Variants in CDKN2B-AS1 observed in about 807,000 individuals in gnomAD.
The protein encoded by CDKN2B-AS1 is CDKN2B antisense RNA 1 (non-protein coding).
At chr9:22,082,975 G>A (rs1007258936) in intron 4 of CDKN2B-AS1, among the ~76,000 whole-genome samples, 2 of 152,136 alleles carry the variant, frequency 1.3e-5, no homozygotes, top group African/African-American at 2.4e-5. Context: ...GCCTAATCCT[G>A]GGGTTCTGTC....
chr9:22,121,216 C>A (rs1826094328), intron 4 of CDKN2B-AS1: 1 of 152,034 alleles, frequency 6.6e-6, no homozygotes, highest in Non-Finnish European at 1.5e-5. Context: ...GAAATAGCCA[C>A]TTACCTCAAC....
chr9:22,092,368 C>G (rs1179943844), intron 4 of CDKN2B-AS1: 2 of 152,146 alleles, frequency 1.3e-5, no homozygotes, highest in Non-Finnish European at 2.9e-5. Flanking sequence ...CCCTCTTTTT[C>G]TATTGAATGG....
intron 1 of CDKN2B-AS1, chr9:22,003,750 T>G (rs1563911413): frequency 4.3e-6 from 1 of 230,818 alleles, no homozygotes; most frequent in Non-Finnish European, 8.6e-6. Flanking sequence ...ATAGGTGTGT[T>G]GGGGGGGGTT....
intron 4 of CDKN2B-AS1, among the ~76,000 whole-genome samples, chr9:22,075,436 A>T (rs1255565589): frequency 6.6e-6 from 1 of 152,218 alleles, no homozygotes; most frequent in African/African-American, 2.4e-5. Context: ...AGCGATTGGG[A>T]TGTAGGAAGG....
intron 1 of CDKN2B-AS1, among the ~76,000 whole-genome samples, chr9:22,044,993 T>C (rs1823045353): frequency 6.6e-6 from 1 of 151,572 alleles, no homozygotes; most frequent in Non-Finnish European, 1.5e-5. Flanking sequence ...TTGTAACTTT[T>C]TTCTTTGAGG....
rs905793463 is a variant in CDKN2B-AS1 at position 22,113,139 on chromosome 9, C to T, written n.439-13964C>T. Among the ~76,000 whole-genome samples the T allele has an allele frequency of 1.1e-4, 17 of 152,308 alleles. No individual in the cohort carries two copies. In the East Asian group the frequency reaches 1.7e-3, roughly 16 times the overall value. On this transcript the variant is annotated intron_variant and non_coding_transcript_variant, in intron 4 of 4. Transcript: ENST00000650946. ...TCAGACCTCCAGGCACTGCGTGGCT[C>T]GGCTGGGTTCTCTGCTTAGAATCTC... is the stretch of plus-strand genomic sequence containing the variant.
intron 4 of CDKN2B-AS1, among the ~76,000 whole-genome samples, chr9:22,062,862 G>A (rs1823877437): frequency 6.6e-6 from 1 of 151,778 alleles, no homozygotes; most frequent in African/African-American, 2.4e-5. Context: ...TGATGAATTG[G>A]GCGAAGCAGA....
intron 1 of CDKN2B-AS1, among the ~76,000 whole-genome samples, chr9:22,012,865 T>C (rs1405696407): frequency 6.6e-6 from 1 of 152,218 alleles, no homozygotes; most frequent in Non-Finnish European, 1.5e-5. Flanking sequence ...ATCCACAGTA[T>C]ATCCACTTCT....
rs1820814729 is a variant in CDKN2B-AS1 at position 21,999,126 on chromosome 9, TGTC to T, written n.29+3966_29+3968del. ...AGAAAAAAGACTACTTTGACAAAGT[TGTC>T]AGGAAACAATCACTCTTACTATTAC... is the stretch of plus-strand genomic sequence containing the variant. On this transcript the variant is annotated intron_variant and non_coding_transcript_variant, in intron 1 of 4. Transcript: ENST00000650946. This position sits in a 1 kb window ranked among gnomAD's most constrained non-coding sequence, Gnocchi z 4.7. 6.6e-6 allele frequency among the ~76,000 whole-genome samples: 1 copy of T among 152,096 alleles called. No individual in the cohort carries two copies. The highest frequency in any genetic ancestry group is 1.5e-5 in the Non-Finnish European group (1 of 67,988).
chr9:22,089,161 C>T (rs528887340), intron 4 of CDKN2B-AS1, among the ~76,000 whole-genome samples: 3 of 152,280 alleles, frequency 2.0e-5, no homozygotes, highest in South Asian at 2.1e-4. Context: ...AGGTAGATCA[C>T]TTCAATCTCT....
intron 2 of CDKN2B-AS1, among the ~76,000 whole-genome samples, chr9:22,047,951 C>T (rs1823179199): frequency 7.7e-6 from 1 of 129,076 alleles, no homozygotes; most frequent in South Asian, 3.3e-4. Flanking sequence ...CCATGTGCGG[C>T]TAATTTTTGT....
Position 22,044,296 on chromosome 9 carries a change from T to C in CDKN2B-AS1, n.30-2455T>C, listed in dbSNP as rs772538064. On this transcript the variant is annotated intron_variant and non_coding_transcript_variant, in intron 1 of 4. Coordinates refer to ENST00000650946, the Ensembl canonical transcript of CDKN2B-AS1. The stretch of plus-strand genomic sequence containing the variant: ...GACAAATTAGTTAAAGGTTGTAAAA[T>C]GCCTAGAAACAGAGTAGAATATCCT... Among the ~76,000 whole-genome samples the C allele has an allele frequency of 2.0e-5, 3 of 151,928 alleles. No individual in the cohort carries two copies. In the South Asian group the frequency reaches 6.2e-4, roughly 31 times the overall value.
chr9:22,016,860 A>T (rs1001718606), intron 1 of CDKN2B-AS1, among the ~76,000 whole-genome samples: 1 of 152,254 alleles, frequency 6.6e-6, no homozygotes, highest in Non-Finnish European at 1.5e-5. Context: ...CATTATTACT[A>T]TAAACCTATA....
chr9:22,068,718 T>C (rs936496987), intron 4 of CDKN2B-AS1, among the ~76,000 whole-genome samples: 7 of 152,242 alleles, frequency 4.6e-5, no homozygotes, highest in Non-Finnish European at 1.0e-4. Flanking sequence ...TTTCTGAATC[T>C]ATTTGTTTGT....
At chr9:22,020,576 C>G (rs933723904) in intron 1 of CDKN2B-AS1, among the ~76,000 whole-genome samples, 1 of 152,068 alleles carries the variant, frequency 6.6e-6, no homozygotes, top group African/African-American at 2.4e-5. Flanking sequence ...GCCATTCTGA[C>G]TTGTGTGAGA....
chr9:22,125,628 ATAAGT>A (rs1468101343), intron 4 of CDKN2B-AS1, among the ~76,000 whole-genome samples: 4 of 152,252 alleles, frequency 2.6e-5, no homozygotes, highest in African/African-American at 9.6e-5. Context: ...TTTTTGGAAG[ATAAGT>A]TGAGAATGTC....
At chr9:22,107,107 A>G (rs1275414067) in intron 4 of CDKN2B-AS1, among the ~76,000 whole-genome samples, 1 of 152,236 alleles carries the variant, frequency 6.6e-6, no homozygotes, top group Non-Finnish European at 1.5e-5. Flanking sequence ...TGCAGATCAG[A>G]TGCTGGCAGC....
intron 4 of CDKN2B-AS1, among the ~76,000 whole-genome samples, chr9:22,114,753 T>G (rs986088516): frequency 1.3e-5 from 2 of 152,212 alleles, no homozygotes; most frequent in African/African-American, 2.4e-5. Context: ...TCTATTATTT[T>G]CCTTGCAATA....
intron 1 of CDKN2B-AS1, among the ~76,000 whole-genome samples, chr9:22,036,867 A>G (rs1207286302): frequency 6.6e-6 from 1 of 152,058 alleles, no homozygotes; most frequent in Non-Finnish European, 1.5e-5. Flanking sequence ...CTCAAAATCC[A>G]CCAAAACTAA....
Sources: allele counts gnomAD v4.1 joint callset (sites outside exome capture counted in the v4.1 genomes callset), GRCh38; gene constraint gnomAD v4.1.1; non-coding constraint Gnocchi (gnomAD v3.1); transcripts MANE v1.5; gene names NCBI Gene and HGNC (gene_info 2026-07-23, HGNC 2026-07-21).